SLC35F1: variants seen among roughly 807,000 people sequenced by gnomAD.
SLC35F1 encodes the protein chromosome 6 open reading frame 169.
A neutral mutation model predicts 48.7 loss-of-function variants in SLC35F1; 14 were observed. The observed-to-expected ratio is 0.29, with a 90% CI of 0.19 to 0.45. SLC35F1 has a LOEUF of 0.45. SLC35F1 is among the 20% of genes least tolerant of loss of function. SLC35F1 has a pLI of 1.00. For synonymous variants in SLC35F1, 190 were observed against 202.2 expected, an observed-to-expected ratio of 0.94 and a Z score of 0.51; for missense variants, 404 against 500.0, an observed-to-expected ratio of 0.81 and a Z score of 1.83.
At chr6:118,114,644 G>A (rs190504425) in intron 1 of SLC35F1, among the ~76,000 whole-genome samples, 220 of 152,128 alleles carry the variant, frequency 1.4e-3, no homozygotes, top group African/African-American at 4.6e-3. Context: ...CCAAAGTGCT[G>A]GGATTACAGG....
chr6:118,050,497 G>GAAAA (rs1465015694), intron 1 of SLC35F1, among the ~76,000 whole-genome samples: 1 of 151,998 alleles, frequency 6.6e-6, no homozygotes, highest in African/African-American at 2.4e-5. Flanking sequence ...CTTTGACTGT[G>GAAAA]AGAAAGAGGC....
Position 118,314,973 on chromosome 6 carries a change from A to C in SLC35F1, c.*721A>C, listed in dbSNP as rs981525399. The C allele has an allele frequency of 8.5e-5, 13 of 152,832 alleles. No individual in the cohort carries two copies. The highest frequency in any genetic ancestry group is 3.1e-4 in the African/African-American group (13 of 41,458). The allele number at this position is 152,832 out of a possible 1,614,324, so 9.5% of individuals were successfully genotyped here. ...TTCTGTTGTGCCACGTGATTCTGCTAATCAAGTCCCTGTAATAACAGGATA... is the reference window on the plus strand; with the variant it reads ...TTCTGTTGTGCCACGTGATTCTGCTCATCAAGTCCCTGTAATAACAGGATA... On this transcript the variant is annotated 3_prime_UTR_variant, in exon 8 of 8. Transcript: ENST00000360388.
intron 4 of SLC35F1, among the ~76,000 whole-genome samples, chr6:118,267,744 AG>A (rs1337654758): frequency 6.6e-6 from 1 of 152,154 alleles, no homozygotes; most frequent in Non-Finnish European, 1.5e-5. Flanking sequence ...CTTTGCGAGG[AG>A]GGGTTATTGG....
intron 4 of SLC35F1, among the ~76,000 whole-genome samples, chr6:118,270,987 C>G (rs1455111497): frequency 6.6e-6 from 1 of 152,158 alleles, no homozygotes; most frequent in African/African-American, 2.4e-5. Flanking sequence ...TTTATTGCAT[C>G]TTTTAGTTCA....
chr6:117,934,242 C>A (rs1305974205), intron 1 of SLC35F1, among the ~76,000 whole-genome samples: 1 of 152,102 alleles, frequency 6.6e-6, no homozygotes, highest in East Asian at 1.9e-4. Flanking sequence ...AAGTATGGTG[C>A]AGTTCAGCGT....
intron 1 of SLC35F1, among the ~76,000 whole-genome samples, chr6:118,086,880 G>A (rs1772998702): frequency 2.0e-5 from 3 of 152,106 alleles, no homozygotes; most frequent in Admixed American, 2.0e-4. Flanking sequence ...TTCCTTGTCA[G>A]GTTCACTGGA....
At chr6:118,159,347 A>G (rs565539683) in intron 2 of SLC35F1, among the ~76,000 whole-genome samples, 1 of 152,190 alleles carries the variant, frequency 6.6e-6, no homozygotes, top group East Asian at 1.9e-4. Flanking sequence ...AAGTTTGAGA[A>G]TTTAGGTAAA....
At chr6:118,270,345 G>T (rs1775835176) in intron 4 of SLC35F1, among the ~76,000 whole-genome samples, 4 of 152,152 alleles carry the variant, frequency 2.6e-5, no homozygotes, top group Admixed American at 2.6e-4. Flanking sequence ...CAAAATATAA[G>T]TTTAAGGGCA....
chr6:118,095,351 G>A (rs190755432), intron 1 of SLC35F1, among the ~76,000 whole-genome samples: 6 of 152,284 alleles, frequency 3.9e-5, no homozygotes, highest in Admixed American at 6.5e-5. Context: ...TGGAGGAGGC[G>A]TGTAACCTCA....
chr6:117,948,698 C>A (rs1776324256), intron 1 of SLC35F1, among the ~76,000 whole-genome samples: 1 of 152,076 alleles, frequency 6.6e-6, no homozygotes, highest in South Asian at 2.1e-4. Context: ...AGTTCCCATT[C>A]ATGTGTGAAT....
At chr6:117,948,042 T>G (rs1268425517) in intron 1 of SLC35F1, among the ~76,000 whole-genome samples, 4 of 152,170 alleles carry the variant, frequency 2.6e-5, no homozygotes, top group African/African-American at 9.7e-5. Flanking sequence ...ATTTTGTGTA[T>G]TACTAGATTT....
intron 1 of SLC35F1, among the ~76,000 whole-genome samples, chr6:118,082,743 C>T (rs1161505265): frequency 1.3e-5 from 2 of 151,872 alleles, no homozygotes; most frequent in African/African-American, 4.8e-5. Context: ...CTCCAAATGG[C>T]AAGAAAAAAA....
chr6:118,225,976 G>A (rs1438478007), intron 2 of SLC35F1, among the ~76,000 whole-genome samples: 1 of 150,866 alleles, frequency 6.6e-6, no homozygotes, highest in African/African-American at 2.4e-5. Context: ...TATTTTATAA[G>A]GGATTAATAA....
At chr6:118,070,051 G>C (rs1357609239) in intron 1 of SLC35F1, among the ~76,000 whole-genome samples, 1 of 148,878 alleles carries the variant, frequency 6.7e-6, no homozygotes, top group African/African-American at 2.5e-5. Context: ...CAGGAGAATG[G>C]CGTGAACCCG....
In SLC35F1 at chr6:118,167,376, A is replaced by C. The variant is rs548280245; in HGVS notation, c.349+12756A>C. On this transcript the variant is annotated intron_variant, in intron 2 of 7. Coordinates refer to ENST00000360388, the MANE Select transcript of SLC35F1 (RefSeq NM_001029858.4). ...TTTCGTCATTGTGCAAACATCATAC[A>C]GTGTACTTACACAAACCTAGATGTT... Among the ~76,000 whole-genome samples the C allele has an allele frequency of 2.0e-5, 3 of 152,316 alleles. No individual in the cohort carries two copies. In the South Asian group the frequency reaches 6.2e-4, roughly 32 times the overall value.
chr6:117,929,017 T>C (rs1330022415), intron 1 of SLC35F1, among the ~76,000 whole-genome samples: 1 of 152,072 alleles, frequency 6.6e-6, no homozygotes, highest in Non-Finnish European at 1.5e-5. Context: ...GCCTTCCAGA[T>C]AGTATGAAGG....
intron 1 of SLC35F1, among the ~76,000 whole-genome samples, chr6:118,047,165 G>T (rs1320937347): frequency 6.6e-5 from 10 of 152,242 alleles, no homozygotes; most frequent in Middle Eastern, 3.4e-3. Flanking sequence ...GAAACTTTCT[G>T]CTGTTTCCTA....
At chr6:118,037,462 G>A (rs1282608672) in intron 1 of SLC35F1, among the ~76,000 whole-genome samples, 1 of 151,838 alleles carries the variant, frequency 6.6e-6, no homozygotes, top group African/African-American at 2.4e-5. Context: ...ATATGCTTTG[G>A]TATTAGATTT....
At chr6:118,273,691 A>G (rs975649689) in intron 4 of SLC35F1, among the ~76,000 whole-genome samples, 8 of 152,158 alleles carry the variant, frequency 5.3e-5, no homozygotes, top group African/African-American at 1.9e-4. Context: ...AATTTTCCTA[A>G]AAGATCTGCC....
Sources: gnomAD v4.1 joint callset for allele counts (sites outside exome capture counted in the v4.1 genomes callset) on GRCh38, gnomAD v4.1.1 for gene constraint, MANE v1.5 for transcripts, NCBI Gene and HGNC (gene_info 2026-07-23, HGNC 2026-07-21) for gene names.